The following WDR27 variants were observed in gnomAD, a reference collection of about 807,000 sequenced individuals.
WDR27 encodes the protein WD repeat-containing protein 27.
Under a neutral mutation model 114.4 loss-of-function variants are expected in WDR27, and 100 were observed. The observed-to-expected ratio is 0.87, with a 90% CI of 0.74 to 1.03. WDR27 has a LOEUF of 1.03. Ranked by LOEUF, WDR27 falls within the 50% of genes least tolerant of loss-of-function variation. The pLI is 0.00. For synonymous variants in WDR27, 449 were observed against 423.1 expected (o/e 1.06, Z -0.75); for missense variants, 1,129 against 1,092.9 (o/e 1.03, Z -0.47).
At chr6:169,461,703 A>C (rs139054007) in intron 25 of WDR27, among the ~76,000 whole-genome samples, 1 of 151,974 alleles carries the variant, frequency 6.6e-6, no homozygotes, top group East Asian at 1.9e-4. Flanking sequence ...ACAACTTTGC[A>C]AAGTAGAGAA....
chr6:169,519,236 C>T (rs573787022), intron 25 of WDR27, among the ~76,000 whole-genome samples: 107 of 152,322 alleles, frequency 7.0e-4, no homozygotes, highest in Non-Finnish European at 1.3e-3. Flanking sequence ...TTACCCAGTT[C>T]CAAAGTCCCT....
intron 25 of WDR27, among the ~76,000 whole-genome samples, chr6:169,479,113 G>C (rs1054598443): frequency 3.3e-5 from 5 of 152,034 alleles, no homozygotes; most frequent in African/African-American, 1.2e-4. Flanking sequence ...TCTCAACAAA[G>C]CAAAAAGACA....
chr6:169,582,171 C>T (rs904843484), intron 24 of WDR27, among the ~76,000 whole-genome samples: 3 of 152,216 alleles, frequency 2.0e-5, no homozygotes, highest in African/African-American at 7.2e-5. Context: ...GATGGCGTTT[C>T]GCCATGTTGG....
rs190694689 is a variant in WDR27 at position 169,552,119 on chromosome 6, C to T, written c.2645+20300G>A. On this transcript the variant is annotated intron_variant, in intron 25 of 25. Coordinates refer to ENST00000448612, the MANE Select transcript of WDR27 (RefSeq NM_182552.5). The stretch of plus-strand genomic sequence containing the variant: ...TCTCACTTGCTGCTCCAGTGTCCGT[C>T]CTGCTGACCCAAGCATCCAGGCTCC... 4.5e-3 allele frequency among the ~76,000 whole-genome samples: 687 copies of T among 152,238 alleles called. 6 individuals are homozygous for T. Among genetic ancestry groups the T allele is most frequent in the African/African-American group, 0.016 (657 of 41,528 alleles).
At chr6:169,546,521 C>G (rs1183405926) in intron 25 of WDR27, among the ~76,000 whole-genome samples, 1 of 152,164 alleles carries the variant, frequency 6.6e-6, no homozygotes, top group Non-Finnish European at 1.5e-5. Context: ...CCACAGTCTC[C>G]TCAGACTTGC....
chr6:169,599,745 T>G (rs1807570334), intron 23 of WDR27, among the ~76,000 whole-genome samples: 1 of 152,208 alleles, frequency 6.6e-6, no homozygotes, highest in African/African-American at 2.4e-5. Flanking sequence ...AAGGGTTTTT[T>G]GTGTCTCTAT....
intron 13 of WDR27, among the ~76,000 whole-genome samples, chr6:169,652,695 C>T (rs1225973190): frequency 6.6e-6 from 1 of 152,186 alleles, no homozygotes; most frequent in Non-Finnish European, 1.5e-5. Context: ...ATTAATTTTC[C>T]ATGGGAATAT....
At chr6:169,511,050 G>C (rs533201961) in intron 25 of WDR27, among the ~76,000 whole-genome samples, 41 of 152,296 alleles carry the variant, frequency 2.7e-4, no homozygotes, top group Non-Finnish European at 4.0e-4. Flanking sequence ...CAGCAAGGTA[G>C]CCATTCCCAC....
At chr6:169,664,470 C>T in intron 7 of WDR27, 184 bp from the exon 8 acceptor site, 1 of 1,446,430 alleles carries the variant, frequency 6.9e-7, no homozygotes, top group Non-Finnish European at 9.0e-7. Flanking sequence ...TCCGTACGGC[C>T]CACGGTGTCA....
chr6:169,664,448 C>T, intron 7 of WDR27, 162 bp from the exon 8 acceptor site: 3 of 1,487,578 alleles, frequency 2.0e-6, no homozygotes, highest in South Asian at 1.4e-5. Context: ...TCAACATCCC[C>T]TCTGGAGGCC....
intron 24 of WDR27, among the ~76,000 whole-genome samples, chr6:169,574,311 T>C (rs1584315907): frequency 6.6e-6 from 1 of 152,132 alleles, no homozygotes; most frequent in East Asian, 1.9e-4. Flanking sequence ...AAGTCTTATT[T>C]TGACAACTGA....
intron 25 of WDR27, among the ~76,000 whole-genome samples, chr6:169,473,214 C>T (rs530897972): frequency 1.8e-4 from 27 of 152,288 alleles, no homozygotes; most frequent in African/African-American, 6.3e-4. Flanking sequence ...TCTTAATGTC[C>T]GGTCTCTGTC....
intron 21 of WDR27, among the ~76,000 whole-genome samples, chr6:169,621,836 G>A (rs571510372): frequency 3.9e-5 from 6 of 152,070 alleles, no homozygotes; most frequent in South Asian, 2.1e-4. Flanking sequence ...ACGTATTCAC[G>A]CATATACACA....
chr6:169,551,779 C>G (rs1015433891), intron 25 of WDR27, among the ~76,000 whole-genome samples: 3 of 150,044 alleles, frequency 2.0e-5, no homozygotes. Flanking sequence ...AAAGAAAAAA[C>G]GTGTCTTATT....
At chr6:169,504,867 G>C (rs533227218) in intron 25 of WDR27, among the ~76,000 whole-genome samples, 2 of 152,302 alleles carry the variant, frequency 1.3e-5, no homozygotes, top group South Asian at 4.1e-4. Context: ...CCAAGGTGCT[G>C]TGATTACAGG....
chr6:169,452,821 C>T (rs570200013), downstream of WDR27, among the ~76,000 whole-genome samples: 4 of 152,374 alleles, frequency 2.6e-5, no homozygotes, highest in South Asian at 6.2e-4. Context: ...TAATGCTTGC[C>T]TTGTTTAATT....
At chr6:169,456,160 T>C (rs997056553), downstream of WDR27, among the ~76,000 whole-genome samples, 1 of 152,184 alleles carries the variant, frequency 6.6e-6, no homozygotes, top group Non-Finnish European at 1.5e-5. The surrounding 1 kb of genome is among the most constrained non-coding windows in gnomAD (Gnocchi z 4.0). Context: ...CAATATATTT[T>C]AAAATGTTTA....
chr6:169,525,535 C>CA (rs569369732), intron 25 of WDR27, among the ~76,000 whole-genome samples: 47,638 of 96,444 alleles, frequency 0.49, 10,912 homozygotes, highest in African/African-American at 0.69. Context: ...GACTCCATCT[C>CA]AAAAAAAAAA....
Position 169,668,171 on chromosome 6 carries a change from C to G in WDR27, c.471G>C (p.Val157=). 1 of 1,613,964 alleles carries G rather than the reference C, an allele frequency of 6.2e-7. No homozygotes were observed. Among genetic ancestry groups the G allele is most frequent in the South Asian group, 1.1e-5 (1 of 91,030 alleles). ...TAACATCAGGACGTTCTATGTATGT[C>G]ACAGAAAATCGCTGCTATTAAAATA... ...FMLDIEQRFS[V]TYIERPDVNN... is the part of the protein sequence containing the mutation. The change falls in exon 5 of 26, where the codon GTG becomes GTC. Residue 157 remains valine, a synonymous_variant. Coordinates refer to ENST00000448612, the MANE Select transcript of WDR27 (RefSeq NM_182552.5).
Sources: gnomAD v4.1 joint callset for allele counts (sites outside exome capture counted in the v4.1 genomes callset) on GRCh38, gnomAD v4.1.1 for gene constraint, Gnocchi (gnomAD v3.1) non-coding constraint, MANE v1.5 for transcripts, NCBI Gene and HGNC (gene_info 2026-07-23, HGNC 2026-07-21) for gene names.